Variants in MLPH observed in about 807,000 individuals in gnomAD.
MLPH encodes exophilin-3.
Under a neutral mutation model 72.1 loss-of-function variants are expected in MLPH, and 51 were observed. The observed-to-expected ratio is 0.71, with a 90% CI of 0.56 to 0.89. The LOEUF is 0.89. Among genes scored for constraint, MLPH ranks in the 40% least tolerant of loss-of-function variants. The pLI, the probability that MLPH is intolerant of heterozygous loss-of-function variation, is 0.00. For missense variants in MLPH, 743 were observed against 759.9 expected, an observed-to-expected ratio of 0.98 and a Z score of 0.26; for synonymous variants, 301 against 310.1, an observed-to-expected ratio of 0.97 and a Z score of 0.31.
chr2:237,530,589 C>A (rs2080399462), intron 8 of MLPH, among the ~76,000 whole-genome samples: 1 of 152,172 alleles, frequency 6.6e-6, no homozygotes, highest in African/African-American at 2.4e-5. Context: ...GTTTCTCCTG[C>A]ACCAACTTCC....
Position 237,510,225 on chromosome 2 carries a change from C to T in MLPH, c.111-349C>T. 1 of 361,434 alleles carries T rather than the reference C, an allele frequency of 2.8e-6. No individual in the cohort carries two copies. Among genetic ancestry groups the T allele is most frequent in the Non-Finnish European group, 5.3e-6 (1 of 188,790 alleles). 22.4% of individuals were successfully genotyped at this position (361,434 alleles called of 1,614,324 possible). On this transcript the variant is annotated intron_variant, in intron 2 of 15. Transcript: ENST00000264605. The surrounding 1 kb of genome is among the most constrained non-coding windows in gnomAD (Gnocchi z 4.4). The stretch of plus-strand genomic sequence containing the variant: ...GATCAGGAAACACCATCTGGCTTTG[C>T]CCCCAGGATTCTGTGACTGCCCTGG...
chr2:237,548,760 G>T (rs914937532), intron 13 of MLPH, among the ~76,000 whole-genome samples: 1 of 152,168 alleles, frequency 6.6e-6, no homozygotes, highest in Non-Finnish European at 1.5e-5. Flanking sequence ...GCGCCTGTAG[G>T]CCCAGCTACT....
rs1379259953 is a variant in MLPH, at chr2:237,541,484, GA to G, written c.1446+528del. The stretch of plus-strand genomic sequence containing the variant: ...CCTCCCTGGAGACCTACAGAGAGGA[GA>G]GGGGGTGCCTCTCGGACTGTGAGGA... On this transcript the variant is annotated intron_variant, in intron 11 of 15. Coordinates refer to ENST00000264605, the MANE Select transcript of MLPH (RefSeq NM_024101.7). This position sits in a 1 kb window ranked among gnomAD's most constrained non-coding sequence, Gnocchi z 5.1. Among the ~76,000 whole-genome samples, 4 of 152,332 alleles carry G rather than the reference GA, an allele frequency of 2.6e-5. No individual in the cohort carries two copies.
At chr2:237,530,433 T>A (rs1289821741) in intron 8 of MLPH, among the ~76,000 whole-genome samples, 2 of 152,184 alleles carry the variant, frequency 1.3e-5, no homozygotes. Flanking sequence ...ATATGGGGAA[T>A]CATAGGGGTT....
At chr2:237,499,935 G>A (rs1316968349) in intron 2 of MLPH, among the ~76,000 whole-genome samples, 2 of 152,034 alleles carry the variant, frequency 1.3e-5, no homozygotes, top group Admixed American at 1.3e-4. Flanking sequence ...TTGTAGAGAT[G>A]GGGTCTCTCT....
intron 1 of MLPH, among the ~76,000 whole-genome samples, chr2:237,491,611 G>T (rs977664500): frequency 3.3e-5 from 5 of 152,214 alleles, no homozygotes; most frequent in Non-Finnish European, 7.3e-5. Flanking sequence ...AAGGGATGGG[G>T]ACAGGTGAAG....
chr2:237,502,469 A>G (rs2079672682), intron 2 of MLPH, among the ~76,000 whole-genome samples: 1 of 152,158 alleles, frequency 6.6e-6, no homozygotes, highest in South Asian at 2.1e-4. Context: ...CTTGCTTTGT[A>G]TCATGCTTGT....
rs1040917613 is a variant in MLPH, at chr2:237,512,863, C to T, written c.445+1762C>T. On this transcript the variant is annotated intron_variant, in intron 4 of 15. Transcript: ENST00000264605. The surrounding 1 kb of genome is among the most constrained non-coding windows in gnomAD (Gnocchi z 5.5). The stretch of plus-strand genomic sequence containing the variant: ...AGTGTTTCCACAGCTCAGCCCAGAG[C>T]TGCTGGAGTTCACACGGCCCACCAG... Among the ~76,000 whole-genome samples the T allele has an allele frequency of 1.3e-5, 2 of 152,178 alleles. No homozygotes were observed. Among genetic ancestry groups the T allele is most frequent in the Admixed American group, 6.5e-5 (1 of 15,280 alleles).
intron 4 of MLPH, among the ~76,000 whole-genome samples, chr2:237,516,927 GGATGGATGGATGGATAGGTGGATA>G (rs1193203595): frequency 6.8e-6 from 1 of 146,180 alleles, no homozygotes; most frequent in African/African-American, 2.7e-5. Flanking sequence ...ATGGATGGAT[GGATGGATGGATGGATAGGTGGATA>G]GGTGGATAGA....
chr2:237,490,992 TA>T (rs2106448927), intron 1 of MLPH, among the ~76,000 whole-genome samples: 2 of 152,386 alleles, frequency 1.3e-5, no homozygotes, highest in African/African-American at 4.8e-5. Flanking sequence ...TTTTATGGCA[TA>T]AGCCAGGGAC....
intron 8 of MLPH, among the ~76,000 whole-genome samples, chr2:237,531,294 G>A (rs908350020): frequency 6.5e-5 from 8 of 122,620 alleles, no homozygotes; most frequent in African/African-American, 2.4e-4. Flanking sequence ...GGATGCAGGG[G>A]ACAGTGGAGG....
intron 6 of MLPH, among the ~76,000 whole-genome samples, chr2:237,521,309 G>A (rs1466730939): frequency 6.6e-5 from 10 of 152,122 alleles, no homozygotes; most frequent in Admixed American, 6.5e-4. Context: ...CCATGATGAG[G>A]TCTTTGGAGT....
rs2081055823 is a variant in MLPH, at chr2:237,552,337, G to T, written c.1676G>T (p.Gly559Val). The T allele has an allele frequency of 6.2e-7, 1 of 1,613,908 alleles. No individual in the cohort carries two copies. Among genetic ancestry groups the T allele is most frequent in the Non-Finnish European group, 8.5e-7 (1 of 1,179,818 alleles). The change falls in exon 15 of 16, where the codon GGT becomes GTT. Residue 559 changes from glycine to valine, a missense_variant and splice_region_variant. Physicochemically the swap from Gly to Val is moderately radical, Grantham distance 109. Transcript: ENST00000264605. ...ATCCCTCTTCCTGTTTTCCCCAAAG[G>T]TAAAGATGATGATTCTTTTGATCGG... Reference protein sequence around the residue: ...RKFSNSLKSQGKDDDSFDRKS... With the variant: ...RKFSNSLKSQVKDDDSFDRKS...
chr2:237,533,380 ATTTTC>A (rs2080462411), intron 8 of MLPH, among the ~76,000 whole-genome samples: 3 of 114,508 alleles, frequency 2.6e-5, no homozygotes, highest in Admixed American at 1.7e-4. Flanking sequence ...TCTCTTCTCT[ATTTTC>A]TTTTCTTTTT....
rs139863000 is a variant in MLPH, at chr2:237,505,433, C to T, written c.111-5141C>T. Among the ~76,000 whole-genome samples, 1 of 152,314 alleles carries T rather than the reference C, an allele frequency of 6.6e-6. No homozygotes were observed. The highest frequency in any genetic ancestry group is 1.5e-5 in the Non-Finnish European group (1 of 68,030). ...GGATGTGGATTCCCCACCACCCCAG[C>T]ACCCAACGCAAGTGGAGGCCCACAG... On this transcript the variant is annotated intron_variant, in intron 2 of 15. Transcript: ENST00000264605. The surrounding 1 kb of genome is among the most constrained non-coding windows in gnomAD (Gnocchi z 4.5).
rs769155038 is a variant in MLPH at position 237,511,072 on chromosome 2, G to C, written c.416G>C (p.Arg139Pro). The change falls in exon 4 of 16, where the codon CGG becomes CCG. Residue 139 changes from arginine to proline, a missense_variant. Arg to Pro is a moderately radical substitution (Grantham distance 103). Transcript: ENST00000264605. ...FKRFGSAKVI[R>P]SLHGRLQGGA... The stretch of plus-strand genomic sequence containing the variant: ...AGGTTCGGAAGTGCCAAGGTCATCC[G>C]GTCCCTCCACGGGCGGCTGCAGGGT... 3 of 1,613,916 alleles carry C rather than the reference G, an allele frequency of 1.9e-6. No homozygotes were observed. The highest frequency in any genetic ancestry group is 2.5e-6 in the Non-Finnish European group (3 of 1,179,954).
At chr2:237,495,258 C>G (rs1470066747) in intron 2 of MLPH, among the ~76,000 whole-genome samples, 1 of 152,206 alleles carries the variant, frequency 6.6e-6, no homozygotes, top group Non-Finnish European at 1.5e-5. Context: ...CATCCAGGAC[C>G]CTCTTCCCAT....
chr2:237,536,652 C>G (rs2080536750), intron 9 of MLPH, among the ~76,000 whole-genome samples: 1 of 152,192 alleles, frequency 6.6e-6, no homozygotes, highest in South Asian at 2.1e-4. Context: ...GCCCCCAGGC[C>G]CCTGCGGAAC....
At position 237,510,507 on chromosome 2, in the gene MLPH, A is replaced by G. The variant is rs1429317570; in HGVS notation, c.111-67A>G. 7.2e-7 allele frequency: 1 copy of G among 1,393,526 alleles called. No individual in the cohort carries two copies. The allele number at this position is 1,393,526 out of a possible 1,614,324, so 86.3% of individuals were successfully genotyped here. A position where few individuals can be genotyped will look rare whatever the true frequency, so the allele number is the denominator to read the frequency against. On this transcript the variant is annotated intron_variant, in intron 2 of 15. Transcript: ENST00000264605. The surrounding 1 kb of genome is among the most constrained non-coding windows in gnomAD (Gnocchi z 4.4). Reference sequence around the variant, plus strand: ...TCTGTGTGTGTGTGTATGTACGTGTACACACTTAAAGCCTGTTGCAAAAAC... The same window carrying G: ...TCTGTGTGTGTGTGTATGTACGTGTGCACACTTAAAGCCTGTTGCAAAAAC...
Sources: gnomAD v4.1 joint callset for allele counts (sites outside exome capture counted in the v4.1 genomes callset) on GRCh38, gnomAD v4.1.1 for gene constraint, Gnocchi (gnomAD v3.1) non-coding constraint, MANE v1.5 for transcripts, NCBI Gene and HGNC (gene_info 2026-07-23, HGNC 2026-07-21) for gene names.